KCTD8: variants seen among roughly 807,000 people sequenced by gnomAD.
KCTD8 encodes the protein potassium channel tetramerization domain containing 8, also known as BTB/POZ domain-containing protein KCTD8.
A neutral mutation model predicts 31.5 loss-of-function variants in KCTD8; 27 were observed. The ratio of observed to expected loss-of-function variants is 0.86; its 90% CI spans 0.63 to 1.18. KCTD8 has a LOEUF of 1.18. Among genes scored for constraint, KCTD8 ranks in the 50% most tolerant of loss-of-function variants. The probability of loss-of-function intolerance (pLI) is 0.00; values close to 1 mark genes in which losing one functional copy is unlikely to be tolerated. For synonymous variants in KCTD8, 290 were observed against 280.0 expected, an observed-to-expected ratio of 1.04 and a Z score of -0.36; for missense variants, 658 against 647.7, an observed-to-expected ratio of 1.02 and a Z score of -0.17.
At chr4:44,181,054 C>T (rs1168321163) in intron 1 of KCTD8, among the ~76,000 whole-genome samples, 1 of 152,138 alleles carries the variant, frequency 6.6e-6, no homozygotes, top group Non-Finnish European at 1.5e-5. Context: ...TACATCTATT[C>T]TTACTGGTGA....
chr4:44,396,268 G>C (rs1319504447), intron 1 of KCTD8, among the ~76,000 whole-genome samples: 1 of 152,070 alleles, frequency 6.6e-6, no homozygotes, highest in Non-Finnish European at 1.5e-5. Context: ...GCAAGTGATA[G>C]GGGAGCAGCT....
intron 1 of KCTD8, among the ~76,000 whole-genome samples, chr4:44,353,546 C>T (rs1261222512): frequency 4.6e-5 from 7 of 151,934 alleles, no homozygotes; most frequent in African/African-American, 1.7e-4. Flanking sequence ...ATCGTGCTTC[C>T]AAACACTAGG....
At chr4:44,324,304 T>G (rs1009173402) in intron 1 of KCTD8, among the ~76,000 whole-genome samples, 1 of 152,168 alleles carries the variant, frequency 6.6e-6, no homozygotes, top group Middle Eastern at 3.4e-3. Context: ...CTATTAATTC[T>G]GAGATCCTCT....
At chr4:44,270,598 T>C (rs181232905) in intron 1 of KCTD8, among the ~76,000 whole-genome samples, 220 of 152,172 alleles carry the variant, frequency 1.4e-3, no homozygotes, top group African/African-American at 4.7e-3. Flanking sequence ...TTTTCATGTA[T>C]ATTTATTAAG....
intron 1 of KCTD8, among the ~76,000 whole-genome samples, chr4:44,287,412 T>C (rs887999248): frequency 1.3e-5 from 2 of 152,220 alleles, no homozygotes; most frequent in Non-Finnish European, 2.9e-5. Flanking sequence ...TTAAAGATCA[T>C]GTTTACAAAC....
chr4:44,331,012 C>T (rs116093538), intron 1 of KCTD8, among the ~76,000 whole-genome samples: 358 of 151,784 alleles, frequency 2.4e-3, no homozygotes, highest in Middle Eastern at 3.4e-3. Flanking sequence ...TATGAGAAGA[C>T]AGGAAAAATT....
chr4:44,230,497 T>C (rs1577842624), intron 1 of KCTD8, among the ~76,000 whole-genome samples: 1 of 152,352 alleles, frequency 6.6e-6, no homozygotes, highest in East Asian at 1.9e-4. Flanking sequence ...TGAATGGTAC[T>C]GCCTAGTACT....
chr4:44,206,203 T>C (rs1266518478), intron 1 of KCTD8, among the ~76,000 whole-genome samples: 1 of 152,118 alleles, frequency 6.6e-6, no homozygotes, highest in Non-Finnish European at 1.5e-5. Flanking sequence ...CAAGTGGAGT[T>C]ATCTTCGAGA....
chr4:44,325,357 A>G (rs1470048891), intron 1 of KCTD8, among the ~76,000 whole-genome samples: 1 of 151,982 alleles, frequency 6.6e-6, no homozygotes, highest in Non-Finnish European at 1.5e-5. Flanking sequence ...TGAAAATTCT[A>G]AATTTAAACT....
At chr4:44,326,542 A>G (rs1718447151) in intron 1 of KCTD8, among the ~76,000 whole-genome samples, 1 of 151,884 alleles carries the variant, frequency 6.6e-6, no homozygotes, top group Admixed American at 6.6e-5. Context: ...TATCCACTGC[A>G]TATGCCTAAA....
chr4:44,176,061 G>T (rs1318175413), intron 1 of KCTD8, among the ~76,000 whole-genome samples: 1 of 152,098 alleles, frequency 6.6e-6, no homozygotes, highest in Non-Finnish European at 1.5e-5. Context: ...TCCACTGTGG[G>T]ATTAGGATCT....
intron 1 of KCTD8, among the ~76,000 whole-genome samples, chr4:44,244,165 A>G (rs2109358338): frequency 6.6e-6 from 1 of 152,330 alleles, no homozygotes; most frequent in Middle Eastern, 3.4e-3. Context: ...GACATTAACC[A>G]AATCAAACTG....
chr4:44,249,371 T>C (rs551466933), intron 1 of KCTD8, among the ~76,000 whole-genome samples: 3 of 151,858 alleles, frequency 2.0e-5, no homozygotes, highest in African/African-American at 4.8e-5. Context: ...TACATTCTAA[T>C]GCATATTTTT....
chr4:44,283,592 A>G (rs538616599), intron 1 of KCTD8, among the ~76,000 whole-genome samples: 2 of 152,304 alleles, frequency 1.3e-5, no homozygotes, highest in South Asian at 2.1e-4. Context: ...AAATGGAACA[A>G]GAAGTCCTAG....
At chr4:44,223,267 C>A (rs1033920627) in intron 1 of KCTD8, among the ~76,000 whole-genome samples, 2 of 152,034 alleles carry the variant, frequency 1.3e-5, no homozygotes, top group African/African-American at 4.8e-5. Flanking sequence ...AGATGACAGG[C>A]AATTAAGATA....
In KCTD8 at chr4:44,174,716, T is replaced by G; in HGVS notation, c.*74A>C. ...CAGCAAGAATCACACTGACCATTGT[T>G]AGGACATCAGTCAGGTGGTGACACT... is the stretch of plus-strand genomic sequence containing the variant. On this transcript the variant is annotated 3_prime_UTR_variant, in exon 2 of 2. Transcript: ENST00000360029. 9.2e-7 allele frequency: 1 copy of G among 1,081,260 alleles called. No individual in the cohort carries two copies. The allele number at this position is 1,081,260 out of a possible 1,614,324, so 67.0% of individuals were successfully genotyped here. A position where few individuals can be genotyped will look rare whatever the true frequency, so the allele number is the denominator to read the frequency against.
chr4:44,342,294 A>AGGAGGC (rs1401686309), intron 1 of KCTD8, among the ~76,000 whole-genome samples: 1 of 150,416 alleles, frequency 6.6e-6, no homozygotes. Flanking sequence ...GCATGAACCC[A>AGGAGGC]GGAGGCGGAG....
Position 44,195,035 on chromosome 4 carries a change from T to C in KCTD8, c.962-19785A>G, listed in dbSNP as rs1409072351. 9.9e-5 allele frequency among the ~76,000 whole-genome samples: 15 copies of C among 151,462 alleles called. 1 individual carries two copies. Among genetic ancestry groups the C allele is most frequent in the Admixed American group, 9.2e-4 (14 of 15,176 alleles). The stretch of plus-strand genomic sequence containing the variant: ...CACGCCAGGCTAATTTTTGTATTTC[T>C]AATTTTTGTATTTTTTATTTTTAGT... On this transcript the variant is annotated intron_variant, in intron 1 of 1. Coordinates refer to ENST00000360029, the MANE Select transcript of KCTD8 (RefSeq NM_198353.3).
chr4:44,371,568 A>C (rs1442525686), intron 1 of KCTD8, among the ~76,000 whole-genome samples: 1 of 152,194 alleles, frequency 6.6e-6, no homozygotes, highest in Non-Finnish European at 1.5e-5. Context: ...TATTGAAAGC[A>C]TTGGAGGCTA....
Sources: allele counts gnomAD v4.1 joint callset (sites outside exome capture counted in the v4.1 genomes callset), GRCh38; gene constraint gnomAD v4.1.1; transcripts MANE v1.5; gene names NCBI Gene and HGNC (gene_info 2026-07-23, HGNC 2026-07-21).